CCSER1: variants seen among roughly 807,000 people sequenced by gnomAD.
CCSER1 encodes the protein serine-rich coiled-coil domain-containing protein 1.
In CCSER1, 41 loss-of-function variants were observed where a neutral mutation model predicts 82.0. The ratio of observed to expected loss-of-function variants is 0.50; its 90% confidence interval spans 0.39 to 0.65. CCSER1 has a LOEUF of 0.65. Ranked by LOEUF, CCSER1 falls within the 30% of genes least tolerant of loss-of-function variation. The pLI is 0.00. For synonymous variants in CCSER1, 414 were observed against 383.9 expected, an observed-to-expected ratio of 1.08 and a Z score of -0.92; for missense variants, 1,119 against 1,064.2, an observed-to-expected ratio of 1.05 and a Z score of -0.72.
chr4:91,257,331 A>G (rs1040484052), intron 10 of CCSER1, among the ~76,000 whole-genome samples: 2 of 152,144 alleles, frequency 1.3e-5, no homozygotes, highest in Non-Finnish European at 2.9e-5. Context: ...TTTTTCAAAA[A>G]GAAAGTTCAG....
At position 90,141,129 on chromosome 4, in the gene CCSER1, C is replaced by T. The variant is rs753025072; in HGVS notation, c.-42+13298C>T. ...CTTACATGACTGAAATCTGTAGAAC[C>T]GACTGGAAGGCTGGAAACTCAGGCA... On this transcript the variant is annotated intron_variant, in intron 1 of 10. Coordinates refer to ENST00000509176, the MANE Select transcript of CCSER1 (RefSeq NM_001145065.2). Among the ~76,000 whole-genome samples the T allele has an allele frequency of 7.9e-5, 12 of 151,902 alleles. No individual in the cohort carries two copies. In the South Asian group the frequency reaches 1.0e-3, roughly 13 times the overall value.
chr4:90,534,065 A>T (rs1774966298), intron 5 of CCSER1, among the ~76,000 whole-genome samples: 2 of 152,232 alleles, frequency 1.3e-5, no homozygotes, highest in South Asian at 4.1e-4. Flanking sequence ...TTGCTTAAGC[A>T]GTTGTTTGAT....
Position 91,598,667 on chromosome 4 carries a change from A to T in CCSER1, c.2313A>T (p.Ala771=). The part of the protein sequence containing the change: ...TPTEDRFRYS[A]ADQTSPYKNK... ...CCGAGGACCGTTTTAGGTATTCGGC[A>T]GCGGACCAGACAAGCCCCTACAAAA... The change falls in exon 11 of 11, where the codon GCA becomes GCT. Residue 771 remains alanine, a synonymous_variant. Coordinates refer to ENST00000509176, the MANE Select transcript of CCSER1 (RefSeq NM_001145065.2). The T allele has an allele frequency of 6.4e-7, 1 of 1,551,582 alleles. No homozygotes were observed. The highest frequency in any genetic ancestry group is 8.7e-7 in the Non-Finnish European group (1 of 1,146,928).
At chr4:90,154,856 C>T (rs1368343651) in intron 1 of CCSER1, among the ~76,000 whole-genome samples, 12 of 151,352 alleles carry the variant, frequency 7.9e-5, no homozygotes, top group South Asian at 2.1e-4. Flanking sequence ...CTTTTCCTAA[C>T]TGAATACCCT....
At chr4:91,529,106 C>A (rs957597094) in intron 10 of CCSER1, among the ~76,000 whole-genome samples, 1 of 152,016 alleles carries the variant, frequency 6.6e-6, no homozygotes, top group Non-Finnish European at 1.5e-5. Context: ...CTTGAATGAC[C>A]CCCTTGGCAG....
At chr4:91,361,657 A>G (rs1332332100) in intron 10 of CCSER1, among the ~76,000 whole-genome samples, 1 of 151,846 alleles carries the variant, frequency 6.6e-6, no homozygotes, top group African/African-American at 2.4e-5. Flanking sequence ...GAGAATAATC[A>G]TTATATTAGC....
chr4:91,232,647 T>C (rs1296977547), intron 10 of CCSER1, among the ~76,000 whole-genome samples: 2 of 151,816 alleles, frequency 1.3e-5, no homozygotes, highest in Non-Finnish European at 3.0e-5. Flanking sequence ...ATCACATATA[T>C]ACAATGTATA....
intron 10 of CCSER1, among the ~76,000 whole-genome samples, chr4:91,565,040 G>C (rs1322666059): frequency 1.2e-5 from 1 of 83,132 alleles, no homozygotes; most frequent in African/African-American, 6.4e-5. Flanking sequence ...GTGTGTGTGT[G>C]TGTGTGTGTG....
chr4:90,976,393 TTTATAA>T (rs1468365831), intron 9 of CCSER1, among the ~76,000 whole-genome samples: 1 of 151,206 alleles, frequency 6.6e-6, no homozygotes, highest in Non-Finnish European at 1.5e-5. Flanking sequence ...TTTTAAAAGC[TTTATAA>T]TTATATCTAA....
At chr4:90,814,418 A>G (rs370581065) in intron 7 of CCSER1, among the ~76,000 whole-genome samples, 7 of 152,168 alleles carry the variant, frequency 4.6e-5, no homozygotes, top group African/African-American at 1.7e-4. Context: ...TTGGCTCTTC[A>G]TTACTTAGGC....
In CCSER1 at chr4:90,184,170, C is replaced by G. The variant is rs1734196738; in HGVS notation, c.-42+56339C>G. ...TGGCTCGAAAGTGACAAGTTTGTGC[C>G]TAGTTTATTATTACATTAGTTGATT... On this transcript the variant is annotated intron_variant, in intron 1 of 10. Coordinates refer to ENST00000509176, the MANE Select transcript of CCSER1 (RefSeq NM_001145065.2). Among the ~76,000 whole-genome samples, 6 of 151,976 alleles carry G rather than the reference C, an allele frequency of 3.9e-5. No individual in the cohort carries two copies. The South Asian group carries it at 1.2e-3, about 32-fold the overall frequency.
intron 1 of CCSER1, chr4:90,235,357 TCTC>T (rs1413259998): frequency 6.6e-6 from 1 of 152,202 alleles, no homozygotes; most frequent in Non-Finnish European, 1.5e-5. Context: ...TGTTTTATCT[TCTC>T]TAGCATCTGG....
intron 9 of CCSER1, among the ~76,000 whole-genome samples, chr4:91,051,094 G>T (rs1742969648): frequency 6.6e-6 from 1 of 152,126 alleles, no homozygotes; most frequent in African/African-American, 2.4e-5. Context: ...TCAAGATTTA[G>T]AGGTGTTACT....
chr4:90,380,606 TCTTCTTTGTAAATTTGC>T (rs1749055571), intron 3 of CCSER1, among the ~76,000 whole-genome samples: 1 of 152,188 alleles, frequency 6.6e-6, no homozygotes, highest in Non-Finnish European at 1.5e-5. Flanking sequence ...ATTCCCTTAT[TCTTCTTTGTAAATTTGC>T]CTTCTTTGTA....
intron 10 of CCSER1, among the ~76,000 whole-genome samples, chr4:91,357,116 T>C (rs1477755964): frequency 6.6e-6 from 1 of 152,232 alleles, no homozygotes. Context: ...TTTAACTTTC[T>C]TGATCCTCTA....
chr4:90,916,241 A>G (rs1349144087), intron 8 of CCSER1, among the ~76,000 whole-genome samples: 1 of 152,212 alleles, frequency 6.6e-6, no homozygotes, highest in Non-Finnish European at 1.5e-5. Context: ...AGCTGGAGGC[A>G]TCGCGCTACC....
rs1554007034 is a variant in CCSER1, at chr4:90,339,917, T to TATAA, written c.1509+26871_1509+26872insTAAA. 3.2e-4 allele frequency among the ~76,000 whole-genome samples: 49 copies of TATAA among 151,960 alleles called. 1 individual carries two copies. The highest frequency in any genetic ancestry group is 1.1e-3 in the African/African-American group (46 of 41,498). ...ATGTACTATTTTATATATATATATA[T>TATAA]AATGAAACATCCCCAAAGCCTAGAA... On this transcript the variant is annotated intron_variant, in intron 3 of 10. Transcript: ENST00000509176.
At chr4:90,573,184 G>A (rs1359587624) in intron 5 of CCSER1, among the ~76,000 whole-genome samples, 1 of 151,246 alleles carries the variant, frequency 6.6e-6, no homozygotes, top group African/African-American at 2.5e-5. Flanking sequence ...ACTGGGGCTT[G>A]CTACAGCAGG....
chr4:91,462,817 G>A (rs1376039416), intron 10 of CCSER1, among the ~76,000 whole-genome samples: 1 of 152,108 alleles, frequency 6.6e-6, no homozygotes, highest in Admixed American at 6.5e-5. Context: ...GGGGAGGGGC[G>A]CCTGCAATTG....
Sources: gnomAD v4.1 joint callset for allele counts (sites outside exome capture counted in the v4.1 genomes callset) on GRCh38, gnomAD v4.1.1 for gene constraint, MANE v1.5 for transcripts, NCBI Gene and HGNC (gene_info 2026-07-23, HGNC 2026-07-21) for gene names.